Variants in SAMD5 observed in about 807,000 individuals in gnomAD.
SAMD5 encodes the protein sterile alpha motif domain-containing protein 5.
A neutral mutation model predicts 11.3 loss-of-function variants in SAMD5; 13 were observed. That is an observed-to-expected ratio of 1.15 (90% CI 0.75 to 1.83). The LOEUF (loss-of-function observed/expected upper bound fraction) is 1.83. Ranked by LOEUF, SAMD5 falls within the 40% of genes most tolerant of loss-of-function variation. SAMD5 has a pLI of 0.00. For missense variants in SAMD5, 255 were observed against 239.1 expected (o/e 1.07, Z -0.44); for synonymous variants, 129 against 111.3 (o/e 1.16, Z -1.00).
At chr6:147,927,312 ATTTG>A in the SAMD5 span, among the ~76,000 whole-genome samples, 71 of 152,208 alleles carry the variant, frequency 4.7e-4, no homozygotes, top group African/African-American at 1.6e-3. Flanking sequence ...ATGTTTTTCC[ATTTG>A]TTTGTATCAG....
At chr6:147,789,278 AAC>A in the SAMD5 span, among the ~76,000 whole-genome samples, 9,058 of 141,022 alleles carry the variant, frequency 0.064, 280 homozygotes, top group Middle Eastern at 0.086. Context: ...TCTCTAGAAA[AAC>A]ACACACACAC....
At chr6:147,519,376 G>A (rs1461791575) in intron 1 of SAMD5, among the ~76,000 whole-genome samples, 1 of 151,954 alleles carries the variant, frequency 6.6e-6, no homozygotes, top group African/African-American at 2.4e-5. Context: ...TAGTTTTAAA[G>A]CATTTAATAA....
chr6:147,926,525 G>T, the SAMD5 span, among the ~76,000 whole-genome samples: 1 of 150,342 alleles, frequency 6.7e-6, no homozygotes, highest in Admixed American at 6.6e-5. Context: ...ACTTTTTAAT[G>T]TTTTTTTTTC....
the SAMD5 span, among the ~76,000 whole-genome samples, chr6:147,916,115 G>C: frequency 6.6e-6 from 1 of 152,046 alleles, no homozygotes; most frequent in African/African-American, 2.4e-5. Context: ...GTATTCCATG[G>C]TGTATAGGTG....
the SAMD5 span, among the ~76,000 whole-genome samples, chr6:147,801,353 C>T: frequency 2.6e-5 from 4 of 151,694 alleles, no homozygotes; most frequent in Non-Finnish European, 5.9e-5. Context: ...CCTGGCCACA[C>T]AAAAACAAAT....
chr6:147,603,729 GTAAA>G (rs1255495573), intron 1 of SAMD5, among the ~76,000 whole-genome samples: 25 of 151,712 alleles, frequency 1.6e-4, no homozygotes, highest in Non-Finnish European at 2.8e-4. Flanking sequence ...AAGGGTTCAT[GTAAA>G]TTGACATTTG....
At chr6:147,599,076 GA>G (rs1385032034) in intron 1 of SAMD5, among the ~76,000 whole-genome samples, 5 of 152,218 alleles carry the variant, frequency 3.3e-5, no homozygotes, top group African/African-American at 1.2e-4. Context: ...GGAAGTTGCA[GA>G]TGAGGGAGAG....
At chr6:147,943,837 A>T in the SAMD5 span, among the ~76,000 whole-genome samples, 2 of 152,094 alleles carry the variant, frequency 1.3e-5, no homozygotes, top group African/African-American at 4.8e-5. Context: ...CTGAATTTAC[A>T]GCTGGTGCCT....
At chr6:147,587,794 C>A (rs2128446895) in intron 1 of SAMD5, among the ~76,000 whole-genome samples, 1 of 152,228 alleles carries the variant, frequency 6.6e-6, no homozygotes, top group East Asian at 1.9e-4. Context: ...GTAGTTTGTT[C>A]TTCCCAGTCT....
intron 1 of SAMD5, among the ~76,000 whole-genome samples, chr6:147,669,651 G>A (rs958099099): frequency 2.0e-5 from 3 of 151,466 alleles, no homozygotes; most frequent in Non-Finnish European, 2.9e-5. Context: ...CACTTGTCTC[G>A]AACACCCAGC....
At chr6:147,714,049 G>T (rs778255081) in intron 1 of SAMD5, among the ~76,000 whole-genome samples, 2 of 152,162 alleles carry the variant, frequency 1.3e-5, no homozygotes, top group African/African-American at 2.4e-5. Context: ...AGCCCTAAAA[G>T]AACATAAAGT....
At chr6:147,655,736 T>C (rs1267452731) in intron 1 of SAMD5, among the ~76,000 whole-genome samples, 1 of 152,230 alleles carries the variant, frequency 6.6e-6, no homozygotes, top group African/African-American at 2.4e-5. Context: ...TTTTTCATTG[T>C]AGTTTTCTAG....
At chr6:147,573,802 A>T (rs13207573), downstream of SAMD5, among the ~76,000 whole-genome samples, 13,993 of 152,166 alleles carry the variant, frequency 0.092, 914 homozygotes, top group East Asian at 0.29. Flanking sequence ...CATTAATGAA[A>T]ATTGTTTTCA....
chr6:147,741,853 C>T (rs1197905171), downstream of SAMD5: 1 of 152,192 alleles, frequency 6.6e-6, no homozygotes. Context: ...GCTCATCATG[C>T]TGCCATTTCT....
intron 1 of SAMD5, among the ~76,000 whole-genome samples, chr6:147,676,380 A>C (rs9403875): frequency 0.077 from 11,728 of 152,052 alleles, 606 homozygotes; most frequent in East Asian, 0.2. Context: ...AAGATCATCT[A>C]TTCAGTGGGG....
intron 1 of SAMD5, among the ~76,000 whole-genome samples, chr6:147,613,289 G>C (rs764942597): frequency 4.6e-5 from 7 of 152,014 alleles, no homozygotes; most frequent in Middle Eastern, 3.4e-3. Flanking sequence ...ATGGGTTTTT[G>C]TCCTGTGAAT....
At chr6:147,601,173 TC>T (rs1412434399) in intron 1 of SAMD5, among the ~76,000 whole-genome samples, 1 of 152,186 alleles carries the variant, frequency 6.6e-6, no homozygotes, top group East Asian at 1.9e-4. Context: ...TTGAGATCCA[TC>T]TTTTATTCTC....
intron 1 of SAMD5, among the ~76,000 whole-genome samples, chr6:147,613,073 C>T (rs569304595): frequency 3.9e-5 from 6 of 152,062 alleles, no homozygotes; most frequent in South Asian, 2.1e-4. Context: ...TAGTGGCATG[C>T]GCCCATAGTC....
At chr6:147,528,720 G>A (rs552232199) in intron 1 of SAMD5, among the ~76,000 whole-genome samples, 3 of 152,304 alleles carry the variant, frequency 2.0e-5, no homozygotes, top group Admixed American at 2.0e-4. Context: ...TCTAACAGCT[G>A]ATGAAACTAG....
Sources: allele counts gnomAD v4.1 joint callset (sites outside exome capture counted in the v4.1 genomes callset), GRCh38; gene constraint gnomAD v4.1.1; transcripts MANE v1.5; gene names NCBI Gene and HGNC (gene_info 2026-07-23, HGNC 2026-07-21).